Variants in REV1 observed in about 807,000 individuals in gnomAD.
The protein encoded by REV1 is REV1 DNA directed polymerase.
REV1 carries 42 observed loss-of-function variants against 137.4 expected under a neutral mutation model. The observed-to-expected ratio is 0.31, with a 90% confidence interval of 0.24 to 0.40. The LOEUF (loss-of-function observed/expected upper bound fraction) is 0.40, where lower values mean the gene tolerates loss of function less well. Among genes scored for constraint, REV1 ranks in the 10% least tolerant of loss-of-function variants. REV1 has a pLI of 1.00. For missense variants in REV1, 1,282 were observed against 1,490.1 expected, an observed-to-expected ratio of 0.86 and a Z score of 2.30; for synonymous variants, 524 against 519.2, an observed-to-expected ratio of 1.01 and a Z score of -0.12.
chr2:99,469,396 C>T (rs1685155910), intron 1 of REV1, among the ~76,000 whole-genome samples: 1 of 152,190 alleles, frequency 6.6e-6, no homozygotes, highest in African/African-American at 2.4e-5. Context: ...TCCCAACCCT[C>T]GAAAGGTTCA....
intron 18 of REV1, 111 bp downstream of exon 18, chr2:99,404,333 G>T: frequency 4.1e-6 from 2 of 493,650 alleles, no homozygotes; most frequent in Non-Finnish European, 7.4e-6. Context: ...CCCCTCCCCA[G>T]TGGATGTGGT....
chr2:99,446,665 T>C (rs1015200461), intron 4 of REV1, among the ~76,000 whole-genome samples: 4 of 152,062 alleles, frequency 2.6e-5, no homozygotes, highest in African/African-American at 9.7e-5. Flanking sequence ...TGGCTAATTT[T>C]TGTATTTTTA....
intron 1 of REV1, among the ~76,000 whole-genome samples, chr2:99,470,312 T>G (rs1482178988): frequency 6.6e-6 from 1 of 152,172 alleles, no homozygotes; most frequent in Non-Finnish European, 1.5e-5. Flanking sequence ...TCATTTTGAG[T>G]GGCTTTTAAT....
intron 1 of REV1, among the ~76,000 whole-genome samples, chr2:99,473,469 C>T (rs1685641142): frequency 2.6e-5 from 4 of 152,142 alleles, no homozygotes; most frequent in Admixed American, 1.3e-4. Context: ...CTCTGGAAAC[C>T]TCTACTTGCT....
In REV1 at chr2:99,424,178, T is replaced by A. The variant is rs1432916497; in HGVS notation, c.1650A>T (p.Ala550=). The change falls in exon 10 of 23, where the codon GCA becomes GCT. Residue 550 remains alanine, a synonymous_variant. Transcript: ENST00000258428. ...PYDFHAYKEV[A]QTLYETLASY... is the part of the protein sequence containing the mutation. ...TTGCCAATGTTTCATACAATGTTTG[T>A]GCGACTTCCTTATATGCATGAAAAT... 1 of 1,613,974 alleles carries A rather than the reference T, an allele frequency of 6.2e-7. No homozygotes were observed.
rs373052815 is a variant in REV1 at position 99,406,459 on chromosome 2, G to C, written c.2480C>G (p.Thr827Ser). 108 of 1,610,512 alleles carry C rather than the reference G, an allele frequency of 6.7e-5. No homozygotes were observed. The highest frequency in any genetic ancestry group is 8.9e-5 in the Non-Finnish European group (105 of 1,178,244). The part of the protein sequence containing the change: ...VGIHVNQLVP[T>S]NLNPSTCPSR... ...GGGACATGTGGAAGGGTTCAGATTA[G>C]TTGGAACCAACTGATTCACGTGAAT... The change falls in exon 16 of 23, where the codon ACT becomes AGT. Residue 827 changes from threonine to serine, a missense_variant. Coordinates refer to ENST00000258428, the MANE Select transcript of REV1 (RefSeq NM_016316.4).
chr2:99,455,097 T>C (rs552912787), intron 3 of REV1, among the ~76,000 whole-genome samples: 2 of 152,352 alleles, frequency 1.3e-5, no homozygotes, highest in East Asian at 3.9e-4. Flanking sequence ...GCTAGATCTC[T>C]ATTGAGAAAA....
intron 22 of REV1, among the ~76,000 whole-genome samples, 160 bp from the exon 23 acceptor site, chr2:99,401,512 CGAGG>C (rs1559269327): frequency 6.6e-6 from 1 of 150,722 alleles, no homozygotes; most frequent in African/African-American, 2.4e-5. Flanking sequence ...TTTGGGAGGC[CGAGG>C]AGGGCGGATC....
chr2:99,465,891 T>C (rs1369755492), intron 1 of REV1, among the ~76,000 whole-genome samples: 1 of 152,214 alleles, frequency 6.6e-6, no homozygotes, highest in Non-Finnish European at 1.5e-5. Context: ...CCTTAAACCA[T>C]GACACTTTAC....
chr2:99,422,981 C>G (rs1678878581), intron 10 of REV1, among the ~76,000 whole-genome samples: 1 of 152,214 alleles, frequency 6.6e-6, no homozygotes, highest in Non-Finnish European at 1.5e-5. Flanking sequence ...CTTGACAATA[C>G]CAACATTCCT....
chr2:99,404,317 T>TCCCC, intron 18 of REV1, 127 bp downstream of exon 18: 3 of 450,936 alleles, frequency 6.7e-6, no homozygotes, highest in Middle Eastern at 3.7e-4. Context: ...TCCCCTCCCC[T>TCCCC]CCCCTCCCCT....
At chr2:99,407,186 T>C (rs1402895445) in intron 15 of REV1, among the ~76,000 whole-genome samples, 1 of 143,120 alleles carries the variant, frequency 7.0e-6, no homozygotes, top group Non-Finnish European at 1.5e-5. Context: ...CCTCTTGGGT[T>C]CAAGTGATTC....
intron 5 of REV1, among the ~76,000 whole-genome samples, chr2:99,439,520 T>G (rs1681204233): frequency 6.6e-6 from 1 of 152,116 alleles, no homozygotes; most frequent in African/African-American, 2.4e-5. Context: ...GATCATTCTT[T>G]GCAAAAGTAG....
In REV1 at chr2:99,402,188, C is replaced by T. The variant is rs552332811; in HGVS notation, c.3644+56G>A. On this transcript the variant is annotated intron_variant, in intron 22 of 22. Coordinates refer to ENST00000258428, the MANE Select transcript of REV1 (RefSeq NM_016316.4). ...AAAGTTTAAAACAACTCAGTACACC[C>T]TCAGCCATTGTGACATGCCATTTTT... 178 of 728,974 alleles carry T rather than the reference C, an allele frequency of 2.4e-4. 4 individuals are homozygous for T. The South Asian group carries it at 3.0e-3, about 12-fold the overall frequency. 45.2% of individuals were successfully genotyped at this position (728,974 alleles called of 1,614,324 possible).
At chr2:99,440,350 A>G (rs1325792599) in intron 5 of REV1, among the ~76,000 whole-genome samples, 3 of 152,250 alleles carry the variant, frequency 2.0e-5, no homozygotes, top group Non-Finnish European at 4.4e-5. Context: ...GCTGCCCTAC[A>G]GAGTAGTAAG....
In REV1 at chr2:99,401,226, G is replaced by GCT. The variant is rs1559268133; in HGVS notation, c.*13_*14dup. The GCT allele has an allele frequency of 1.3e-6, 2 of 1,503,154 alleles. No individual in the cohort carries two copies. The highest frequency in any genetic ancestry group is 4.5e-5 in the East Asian group (2 of 44,350). The allele number at this position is 1,503,154 out of a possible 1,614,324, so 93.1% of individuals were successfully genotyped here. ...TGGCACAGCTATCAGAGAGCATCAG[G>GCT]CTCTCTGGTAATATTTATGTAACTT... is the stretch of plus-strand genomic sequence containing the variant. On this transcript the variant is annotated 3_prime_UTR_variant, in exon 23 of 23. Transcript: ENST00000258428.
rs74897312 is a variant in REV1 at position 99,453,626 on chromosome 2, G to A, written c.182-4122C>T. On this transcript the variant is annotated intron_variant, in intron 3 of 22. Coordinates refer to ENST00000258428, the MANE Select transcript of REV1 (RefSeq NM_016316.4). Reference sequence around the variant, plus strand: ...AAAATCAAAACAGGCCAGGTATGGCGGCTCACACCTATAATCCTAACACTG... The same window carrying A: ...AAAATCAAAACAGGCCAGGTATGGCAGCTCACACCTATAATCCTAACACTG... Among the ~76,000 whole-genome samples the A allele has an allele frequency of 1.1e-3, 167 of 152,046 alleles. 2 individuals carry two copies. In the East Asian group the frequency reaches 0.029, roughly 26 times the overall value.
chr2:99,401,686 G>A (rs1198233707), intron 22 of REV1, among the ~76,000 whole-genome samples: 1 of 152,184 alleles, frequency 6.6e-6, no homozygotes, highest in Non-Finnish European at 1.5e-5. Context: ...GGCAGAGGCT[G>A]CAGTAAGCCA....
At chr2:99,408,320 G>C (rs1301988018) in intron 14 of REV1, 189 bp from the exon 15 acceptor site, 1 of 378,920 alleles carries the variant, frequency 2.6e-6, no homozygotes, top group South Asian at 1.1e-4. Flanking sequence ...TGGCAACCAA[G>C]GGGGAAAGAA....
Sources: gnomAD v4.1 joint callset for allele counts (sites outside exome capture counted in the v4.1 genomes callset) on GRCh38, gnomAD v4.1.1 for gene constraint, MANE v1.5 for transcripts, NCBI Gene and HGNC (gene_info 2026-07-23, HGNC 2026-07-21) for gene names.